The following PLEKHA7 variants were observed in gnomAD, a reference collection of about 807,000 sequenced individuals.
PLEKHA7 encodes the protein pleckstrin homology domain-containing family A member 7.
In PLEKHA7, 104 loss-of-function variants were observed where a neutral mutation model predicts 170.0. The ratio of observed to expected loss-of-function variants is 0.61; its 90% CI spans 0.52 to 0.72. PLEKHA7 has a LOEUF of 0.72. Among genes scored for constraint, PLEKHA7 ranks in the 30% least tolerant of loss-of-function variants. The pLI is 0.00. For missense variants in PLEKHA7, 1,615 were observed against 1,671.7 expected (o/e 0.97, Z 0.59); for synonymous variants, 648 against 660.8 (o/e 0.98, Z 0.30).
intron 3 of PLEKHA7, among the ~76,000 whole-genome samples, chr11:16,922,010 C>T (rs1859129833): frequency 6.6e-6 from 1 of 152,198 alleles, no homozygotes; most frequent in African/African-American, 2.4e-5. Flanking sequence ...TCCAGTTCAG[C>T]TATGCTGTAT....
chr11:16,841,691 T>C lies in PLEKHA7; in HGVS notation c.728A>G (p.Tyr243Cys), dbSNP rs200394760. The change falls in exon 9 of 27, where the codon TAT becomes TGT. Residue 243 changes from tyrosine (Y) to cysteine (C), a missense_variant. Transcript: ENST00000531066. Reference protein sequence around the residue: ...AVHTGMRALIYNSSTAGSQAE... With the variant: ...AVHTGMRALICNSSTAGSQAE... The stretch of plus-strand genomic sequence containing the variant: ...CTGAGAGCCCGCTGTGGAGCTGTTA[T>C]AGATGAGCGCTCGCATCCCCGTGTG... 3.5e-4 allele frequency: 569 copies of C among 1,614,024 alleles called. No homozygotes were observed. Among genetic ancestry groups the C allele is most frequent in the Middle Eastern group, 4.9e-4 (3 of 6,076 alleles).
chr11:16,781,999 G>A (rs1452119692), intron 26 of PLEKHA7, among the ~76,000 whole-genome samples: 1 of 152,072 alleles, frequency 6.6e-6, no homozygotes, highest in Non-Finnish European at 1.5e-5. Context: ...GCACACACAA[G>A]CAGGTGAGCT....
chr11:16,911,998 A>G (rs903635900), intron 3 of PLEKHA7, among the ~76,000 whole-genome samples: 10 of 152,204 alleles, frequency 6.6e-5, no homozygotes, highest in African/African-American at 1.4e-4. Flanking sequence ...CATCAAGCCA[A>G]TCCCTCACAT....
At chr11:16,848,387 G>C (rs894727608) in intron 8 of PLEKHA7, among the ~76,000 whole-genome samples, 1 of 152,238 alleles carries the variant, frequency 6.6e-6, no homozygotes, top group South Asian at 2.1e-4. Flanking sequence ...TCAGAATCTA[G>C]AGCAGGGACC....
chr11:16,779,282 A>G (rs1055112358), intron 26 of PLEKHA7, among the ~76,000 whole-genome samples: 1 of 152,228 alleles, frequency 6.6e-6, no homozygotes, highest in African/African-American at 2.4e-5. Flanking sequence ...ACTCTAATAA[A>G]GGTGCAGTCT....
intron 3 of PLEKHA7, among the ~76,000 whole-genome samples, chr11:16,925,019 A>G (rs1007825388): frequency 1.3e-5 from 2 of 152,310 alleles, no homozygotes; most frequent in East Asian, 3.9e-4. Flanking sequence ...CCTCCTCCGT[A>G]GCCGGCTCCT....
Position 16,817,219 on chromosome 11 carries a change from C to T in PLEKHA7, c.1447G>A (p.Gly483Ser). The change falls in exon 11 of 27, where the codon GGC becomes AGC. Residue 483 changes from glycine to serine, a missense_variant. Physicochemically the swap from Gly to Ser is moderately conservative, Grantham distance 56. Coordinates refer to ENST00000531066, the MANE Select transcript of PLEKHA7 (RefSeq NM_001329630.2). This position sits in a 1 kb window ranked among gnomAD's most constrained non-coding sequence, Gnocchi z 4.4. ...AGGTTTCGGGGAGGTGGCGAGGAGC[C>T]CCCCGAGGGGTGTCGGGTGCTCTTG... ...LPKSTRHPSG[G>S]SSPPPRNLPS... is the part of the protein sequence containing the mutation. 1 of 1,613,994 alleles carries T rather than the reference C, an allele frequency of 6.2e-7. No homozygotes were observed. Among genetic ancestry groups the T allele is most frequent in the Non-Finnish European group, 8.5e-7 (1 of 1,179,982 alleles).
chr11:16,820,747 C>A (rs952115686), intron 10 of PLEKHA7, among the ~76,000 whole-genome samples: 2 of 152,178 alleles, frequency 1.3e-5, no homozygotes, highest in African/African-American at 4.8e-5. Context: ...GGTCAGAGTC[C>A]ACCCTCACCT....
intron 3 of PLEKHA7, among the ~76,000 whole-genome samples, chr11:16,967,893 A>G (rs1356284393): frequency 6.6e-6 from 1 of 152,126 alleles, no homozygotes; most frequent in Non-Finnish European, 1.5e-5. Flanking sequence ...CTAATTGCCC[A>G]GAAAGAGGTA....
At chr11:16,894,721 A>G (rs1228335557) in intron 3 of PLEKHA7, among the ~76,000 whole-genome samples, 1 of 151,914 alleles carries the variant, frequency 6.6e-6, no homozygotes, top group Non-Finnish European at 1.5e-5. Flanking sequence ...ACTCCCCATA[A>G]CCCTAACAGA....
At chr11:16,802,571 G>A (rs907702353) in intron 15 of PLEKHA7, among the ~76,000 whole-genome samples, 6 of 151,148 alleles carry the variant, frequency 4.0e-5, no homozygotes, top group African/African-American at 1.5e-4. Context: ...CTCCTGAGAC[G>A]AAGTCTTCCT....
At chr11:16,911,771 C>T (rs1033752976) in intron 3 of PLEKHA7, among the ~76,000 whole-genome samples, 1 of 152,190 alleles carries the variant, frequency 6.6e-6, no homozygotes, top group African/African-American at 2.4e-5. Flanking sequence ...CGCTCTCCCA[C>T]CTGCTCCAAA....
At position 16,998,853 on chromosome 11, in the gene PLEKHA7, AT is replaced by A. The variant is rs202228742; in HGVS notation, c.221+15135del. 1.9e-4 allele frequency among the ~76,000 whole-genome samples: 28 copies of A among 148,678 alleles called. No individual in the cohort carries two copies. The East Asian group carries it at 5.6e-3, about 30-fold the overall frequency. On this transcript the variant is annotated intron_variant, in intron 3 of 26. Coordinates refer to ENST00000531066, the MANE Select transcript of PLEKHA7 (RefSeq NM_001329630.2). ...GGTCAAAATGTGTTGAAAAAAAAAA[AT>A]CTTGCCAAACACTTTCTTTGGTGGG...
At chr11:16,973,566 A>G (rs1862856469) in intron 3 of PLEKHA7, among the ~76,000 whole-genome samples, 1 of 152,220 alleles carries the variant, frequency 6.6e-6, no homozygotes, top group East Asian at 1.9e-4. Flanking sequence ...CCCTCGCTGC[A>G]CATTAAAATC....
At chr11:16,975,879 A>G (rs1156560162) in intron 3 of PLEKHA7, among the ~76,000 whole-genome samples, 1 of 152,224 alleles carries the variant, frequency 6.6e-6, no homozygotes, top group Non-Finnish European at 1.5e-5. Context: ...TAACTCTTCC[A>G]GCCACAATCA....
intron 3 of PLEKHA7, among the ~76,000 whole-genome samples, chr11:16,879,011 C>A (rs960955640): frequency 6.6e-6 from 1 of 152,110 alleles, no homozygotes; most frequent in Non-Finnish European, 1.5e-5. Flanking sequence ...GGTTAATACA[C>A]CCCACTGAGA....
At chr11:16,958,234 T>C (rs1052321554) in intron 3 of PLEKHA7, among the ~76,000 whole-genome samples, 3 of 152,002 alleles carry the variant, frequency 2.0e-5, no homozygotes, top group Non-Finnish European at 4.4e-5. Context: ...GGAGGATCAA[T>C]TGAGCCCGGA....
intron 10 of PLEKHA7, among the ~76,000 whole-genome samples, chr11:16,825,367 G>A (rs1455749080): frequency 6.6e-6 from 1 of 152,232 alleles, no homozygotes; most frequent in Non-Finnish European, 1.5e-5. Flanking sequence ...AATCCCTGGG[G>A]AGCTCTCTGA....
chr11:16,822,267 C>T (rs2134841965), intron 10 of PLEKHA7, among the ~76,000 whole-genome samples: 1 of 152,238 alleles, frequency 6.6e-6, no homozygotes, highest in Non-Finnish European at 1.5e-5. Flanking sequence ...TCTCACTGGC[C>T]ATGCCGTCTT....
Sources: allele counts gnomAD v4.1 joint callset (sites outside exome capture counted in the v4.1 genomes callset), GRCh38; gene constraint gnomAD v4.1.1; non-coding constraint Gnocchi (gnomAD v3.1); transcripts MANE v1.5; gene names NCBI Gene and HGNC (gene_info 2026-07-23, HGNC 2026-07-21).